Variants in SERPINA12 observed in about 807,000 individuals in gnomAD.
The protein encoded by SERPINA12 is serpin family A member 12, also known as serpin A12.
Under a neutral mutation model 25.9 loss-of-function variants are expected in SERPINA12, and 21 were observed. The ratio of observed to expected loss-of-function variants is 0.81; its 90% CI spans 0.58 to 1.17. The LOEUF (loss-of-function observed/expected upper bound fraction) is 1.17, where lower values mean the gene tolerates loss of function less well. Ranked by LOEUF, SERPINA12 falls within the 50% of genes most tolerant of loss-of-function variation. SERPINA12 has a pLI of 0.00. For missense variants in SERPINA12, 562 were observed against 508.3 expected (o/e 1.11, Z -1.02); for synonymous variants, 220 against 196.0 (o/e 1.12, Z -1.02).
At position 94,489,667 on chromosome 14, in the gene SERPINA12, CAT is replaced by C. The variant is rs1361759900; in HGVS notation, c.1004_1005del (p.His335ArgfsTer2). 6.2e-7 allele frequency: 1 copy of C among 1,614,170 alleles called. No individual in the cohort carries two copies. Among genetic ancestry groups the C allele is most frequent in the South Asian group, 1.1e-5 (1 of 91,070 alleles). ...TGAGGGGCGATCTTGGTGAGATCAC[CAT>C]GTTCCTCAAAGATTTTGGAGACACC... ...YIGVSKIFEE[H>X]GDLTKIAPHR... On this transcript the variant is annotated frameshift_variant, in exon 4 of 5. Coordinates refer to ENST00000677451, the MANE Select transcript of SERPINA12 (RefSeq NM_001382267.1). LOFTEE classifies it low-confidence loss of function (END_TRUNC).
rs1220733026 is a variant in SERPINA12, at chr14:94,506,945, A to G, written c.-34+2397T>C. ...AGCCACAGTATTAAGGTATTGGAAC[A>G]GAGACAGACAAGCTGACCAATGGAA... is the stretch of plus-strand genomic sequence containing the variant. On this transcript the variant is annotated intron_variant, in intron 1 of 4. Coordinates refer to ENST00000677451, the MANE Select transcript of SERPINA12 (RefSeq NM_001382267.1). Among the ~76,000 whole-genome samples, 8 of 152,378 alleles carry G rather than the reference A, an allele frequency of 5.3e-5. No homozygotes were observed. The South Asian group carries it at 1.2e-3, about 24-fold the overall frequency.
At chr14:94,501,674 A>ACCCCCCCCCCCCCT (rs1235399013) in intron 1 of SERPINA12, among the ~76,000 whole-genome samples, 1 of 38,822 alleles carries the variant, frequency 2.6e-5, no homozygotes, top group African/African-American at 1.1e-4. Context: ...CCGCCCCCCC[A>ACCCCCCCCCCCCCT]CCCCCGCCCC....
intron 1 of SERPINA12, among the ~76,000 whole-genome samples, chr14:94,502,121 A>G (rs1052137695): frequency 9.2e-5 from 14 of 152,158 alleles, no homozygotes; most frequent in African/African-American, 3.1e-4. Context: ...CCAAGAAAAA[A>G]AAAAGAACAA....
upstream of SERPINA12, chr14:94,510,028 C>A: frequency 1.0e-6 from 1 of 985,432 alleles, no homozygotes. Flanking sequence ...ATCCATCCAA[C>A]CCCACCCCAC....
At chr14:94,505,665 C>T (rs1031536251) in intron 1 of SERPINA12, among the ~76,000 whole-genome samples, 11 of 152,190 alleles carry the variant, frequency 7.2e-5, no homozygotes, top group African/African-American at 2.4e-4. Flanking sequence ...GGAAAACCTG[C>T]CCTCTAATGA....
chr14:94,515,180 T>G (rs1226445006), intron 2 of SERPINA12, among the ~76,000 whole-genome samples: 1 of 152,114 alleles, frequency 6.6e-6, no homozygotes, highest in African/African-American at 2.4e-5. Flanking sequence ...CTATGCGACG[T>G]GTTTCTGTGG....
chr14:94,516,669 A>G (rs1376927456), intron 1 of SERPINA12, among the ~76,000 whole-genome samples: 1 of 152,148 alleles, frequency 6.6e-6, no homozygotes, highest in Non-Finnish European at 1.5e-5. Context: ...ACACTGACAC[A>G]CCTGGCTGGA....
At chr14:94,509,474 G>A (rs934302928), upstream of SERPINA12, among the ~76,000 whole-genome samples, 11 of 152,040 alleles carry the variant, frequency 7.2e-5, no homozygotes, top group Admixed American at 2.0e-4. Flanking sequence ...TGTTCCTCTA[G>A]GCTCCCAGCC....
chr14:94,507,880 G>A (rs1900987556), intron 1 of SERPINA12, among the ~76,000 whole-genome samples: 1 of 152,226 alleles, frequency 6.6e-6, no homozygotes. Context: ...GGTTTACCAA[G>A]ACATGTACTG....
chr14:94,496,273 C>T (rs1314377554), intron 3 of SERPINA12, 100 bp downstream of exon 3: 3 of 1,148,286 alleles, frequency 2.6e-6, no homozygotes, highest in African/African-American at 3.1e-5. Flanking sequence ...TATTATAGAG[C>T]CCAGAAGAGG....
exon 2 of SERPINA12, chr14:94,515,834 G>C (rs1901218888): frequency 6.6e-6 from 1 of 152,228 alleles, no homozygotes; most frequent in Non-Finnish European, 1.5e-5. Flanking sequence ...TTCCTAGAAA[G>C]CTATTGCACC....
chr14:94,489,167 GA>G (rs1026386571), intron 4 of SERPINA12, among the ~76,000 whole-genome samples: 7 of 138,398 alleles, frequency 5.1e-5, no homozygotes, highest in East Asian at 2.1e-4. Flanking sequence ...AAGAAAGAAA[GA>G]AAAAAAGAGA....
At chr14:94,501,128 TAAAC>T (rs1900702342) in intron 1 of SERPINA12, 3 of 985,238 alleles carry the variant, frequency 3.0e-6, no homozygotes, top group Admixed American at 6.1e-5. Context: ...ATGCTTCAGA[TAAAC>T]AAAAGAAAAT....
chr14:94,491,316 C>T (rs538746089), intron 3 of SERPINA12, among the ~76,000 whole-genome samples: 4 of 152,088 alleles, frequency 2.6e-5, no homozygotes, highest in African/African-American at 7.2e-5. Flanking sequence ...TTGCAGGAAT[C>T]GAGGATTGGT....
At chr14:94,502,861 C>G in intron 1 of SERPINA12, among the ~76,000 whole-genome samples, 1 of 152,256 alleles carries the variant, frequency 6.6e-6, no homozygotes, top group South Asian at 2.1e-4. Flanking sequence ...ACCAGACACC[C>G]CTTCCTGCCC....
chr14:94,509,837 T>C (rs886489035), upstream of SERPINA12, among the ~76,000 whole-genome samples: 22 of 152,230 alleles, frequency 1.4e-4, no homozygotes, highest in African/African-American at 4.8e-4. Context: ...CCCTCCCAGC[T>C]CCACAGCCCT....
chr14:94,500,619 CTG>C (rs1900676796), intron 1 of SERPINA12, among the ~76,000 whole-genome samples: 1 of 152,152 alleles, frequency 6.6e-6, no homozygotes, highest in African/African-American at 2.4e-5. Flanking sequence ...GGGTGCTGGC[CTG>C]TCTCTTTCCT....
At chr14:94,515,178 C>T (rs1325475131) in intron 2 of SERPINA12, among the ~76,000 whole-genome samples, 2 of 152,110 alleles carry the variant, frequency 1.3e-5, no homozygotes, top group African/African-American at 2.4e-5. Flanking sequence ...AACTATGCGA[C>T]GTGTTTCTGT....
chr14:94,493,460 G>A (rs1338240832), intron 3 of SERPINA12, among the ~76,000 whole-genome samples: 1 of 152,178 alleles, frequency 6.6e-6, no homozygotes, highest in Non-Finnish European at 1.5e-5. Context: ...TCAAGTCAAG[G>A]AGATGCGGAA....
Sources: allele counts gnomAD v4.1 joint callset (sites outside exome capture counted in the v4.1 genomes callset), GRCh38; gene constraint gnomAD v4.1.1; transcripts MANE v1.5; gene names NCBI Gene and HGNC (gene_info 2026-07-23, HGNC 2026-07-21).